The following DGKB variants were observed in gnomAD, a reference collection of about 807,000 sequenced individuals.
DGKB encodes diacylglycerol kinase beta.
DGKB carries 67 observed loss-of-function variants against 114.3 expected under a neutral mutation model. The ratio of observed to expected loss-of-function variants is 0.59; its 90% CI spans 0.48 to 0.72. The LOEUF is 0.72. Ranked by LOEUF, DGKB falls within the 30% of genes least tolerant of loss-of-function variation. The probability of loss-of-function intolerance (pLI) is 0.00; values close to 1 mark genes in which losing one functional copy is unlikely to be tolerated. For missense variants in DGKB, 907 were observed against 975.2 expected, an observed-to-expected ratio of 0.93 and a Z score of 0.93; for synonymous variants, 398 against 323.1, an observed-to-expected ratio of 1.23 and a Z score of -2.49.
At chr7:14,360,272 T>C (rs1029607677) in intron 21 of DGKB, among the ~76,000 whole-genome samples, 2 of 151,852 alleles carry the variant, frequency 1.3e-5, no homozygotes, top group Admixed American at 6.6e-5. Flanking sequence ...ATGAGAACAC[T>C]TGGACACAGG....
intron 1 of DGKB, among the ~76,000 whole-genome samples, chr7:14,852,757 TG>T (rs1173442042): frequency 6.6e-6 from 1 of 152,120 alleles, no homozygotes; most frequent in Non-Finnish European, 1.5e-5. Context: ...CTATCTGACC[TG>T]GGGCTTTTTC....
chr7:14,158,467 A>T (rs1426593366), intron 25 of DGKB, among the ~76,000 whole-genome samples: 4 of 152,234 alleles, frequency 2.6e-5, no homozygotes, highest in Non-Finnish European at 5.9e-5. Flanking sequence ...AAGGGAGTCC[A>T]ATAAGCTCAC....
At chr7:14,342,550 A>T (rs1011766191) in intron 22 of DGKB, among the ~76,000 whole-genome samples, 4 of 151,924 alleles carry the variant, frequency 2.6e-5, no homozygotes, top group South Asian at 2.1e-4. Flanking sequence ...TGTATCATTA[A>T]ATCTTTACAT....
chr7:14,967,522 T>C (rs1213723177), intron 1 of DGKB, among the ~76,000 whole-genome samples: 1 of 151,690 alleles, frequency 6.6e-6, no homozygotes, highest in Admixed American at 6.6e-5. Flanking sequence ...GGTTTCACCA[T>C]GTTGGCCAGG....
intron 20 of DGKB, among the ~76,000 whole-genome samples, chr7:14,504,298 G>T (rs1786671098): frequency 6.6e-6 from 1 of 152,184 alleles, no homozygotes. Flanking sequence ...AGCTGGTTTG[G>T]ATACCAGCTG....
At chr7:14,724,377 CG>C (rs914752314) in intron 5 of DGKB, among the ~76,000 whole-genome samples, 5 of 151,932 alleles carry the variant, frequency 3.3e-5, no homozygotes, top group Admixed American at 1.3e-4. Context: ...TTACCCAAAC[CG>C]GCAGCAAAAT....
chr7:14,159,396 T>C (rs985257766), intron 25 of DGKB, among the ~76,000 whole-genome samples: 1 of 152,160 alleles, frequency 6.6e-6, no homozygotes, highest in African/African-American at 2.4e-5. Flanking sequence ...ACCTCTATTA[T>C]ACCCTGTCAC....
chr7:14,318,863 A>G (rs1585108413), intron 23 of DGKB, among the ~76,000 whole-genome samples: 1 of 152,162 alleles, frequency 6.6e-6, no homozygotes, highest in African/African-American at 2.4e-5. Flanking sequence ...CATTATTCAC[A>G]ATAGCAAAGA....
chr7:14,260,109 AACACAC>A (rs72000049), intron 23 of DGKB, among the ~76,000 whole-genome samples: 95,539 of 143,196 alleles, frequency 0.67, 31,573 homozygotes, highest in South Asian at 0.77. Flanking sequence ...CACACACATG[AACACAC>A]ACACACACAC....
intron 13 of DGKB, among the ~76,000 whole-genome samples, chr7:14,647,801 C>A (rs1439786204): frequency 1.3e-5 from 2 of 152,182 alleles, no homozygotes; most frequent in Admixed American, 6.5e-5. Flanking sequence ...CATGCGCGAG[C>A]CGAAGCAGGG....
intron 23 of DGKB, among the ~76,000 whole-genome samples, chr7:14,236,172 AAG>A (rs779419903): frequency 6.6e-6 from 1 of 152,024 alleles, no homozygotes; most frequent in African/African-American, 2.4e-5. Flanking sequence ...TAGTATTTGA[AAG>A]AACCAATAAT....
chr7:14,626,644 G>C (rs1290061569), intron 14 of DGKB, among the ~76,000 whole-genome samples: 2 of 152,140 alleles, frequency 1.3e-5, no homozygotes, highest in African/African-American at 2.4e-5. Context: ...CGTGGGATTT[G>C]AACATTTTAA....
chr7:14,262,778 A>G (rs1432503540), intron 23 of DGKB, among the ~76,000 whole-genome samples: 1 of 152,200 alleles, frequency 6.6e-6, no homozygotes, highest in South Asian at 2.1e-4. Context: ...ACCAGCTCCA[A>G]CTAATCAGAC....
At chr7:14,649,668 A>G (rs1320197593) in intron 13 of DGKB, among the ~76,000 whole-genome samples, 3 of 147,142 alleles carry the variant, frequency 2.0e-5, no homozygotes, top group African/African-American at 5.1e-5. Flanking sequence ...ATGTAAATGG[A>G]CAAAATGCTC....
At chr7:14,799,900 C>A (rs971355886) in intron 2 of DGKB, among the ~76,000 whole-genome samples, 1 of 151,914 alleles carries the variant, frequency 6.6e-6, no homozygotes, top group Non-Finnish European at 1.5e-5. Flanking sequence ...CAAGGGCCTG[C>A]ATATAATTAT....
chr7:14,532,307 T>C (rs1791729795), intron 20 of DGKB, among the ~76,000 whole-genome samples: 2 of 148,856 alleles, frequency 1.3e-5, no homozygotes, highest in African/African-American at 4.9e-5. Context: ...TTCATAAATA[T>C]GAATGGACTA....
intron 23 of DGKB, 31 bp downstream of exon 23, chr7:14,338,484 C>T (rs774546843): frequency 7.1e-7 from 1 of 1,413,432 alleles, no homozygotes; most frequent in East Asian, 2.4e-5. Context: ...GGTTAACAAG[C>T]AATTTAACAA....
At chr7:14,282,823 T>C (rs1480667893) in intron 23 of DGKB, among the ~76,000 whole-genome samples, 1 of 152,160 alleles carries the variant, frequency 6.6e-6, no homozygotes, top group Admixed American at 6.6e-5. Flanking sequence ...CCTTTCATGC[T>C]AAAAACGCTC....
chr7:14,941,014 T>C (rs760983464), intron 1 of DGKB, among the ~76,000 whole-genome samples: 8 of 152,058 alleles, frequency 5.3e-5, no homozygotes, highest in Non-Finnish European at 1.2e-4. Flanking sequence ...TATTGAATTG[T>C]CAAAGTGTAC....
Sources: allele counts gnomAD v4.1 joint callset (sites outside exome capture counted in the v4.1 genomes callset), GRCh38; gene constraint gnomAD v4.1.1; transcripts MANE v1.5; gene names NCBI Gene and HGNC (gene_info 2026-07-23, HGNC 2026-07-21).